The following KCNK12 variants were observed in gnomAD, a reference collection of about 807,000 sequenced individuals.
KCNK12 encodes the protein potassium channel subfamily K member 12.
In KCNK12, 6 loss-of-function variants were observed where a neutral mutation model predicts 25.3. That is an observed-to-expected ratio of 0.24 (90% CI 0.13 to 0.47). KCNK12 has a LOEUF of 0.47. Among genes scored for constraint, KCNK12 ranks in the 20% least tolerant of loss-of-function variants. KCNK12 has a pLI of 0.99. For missense variants in KCNK12, 444 were observed against 661.7 expected (o/e 0.67, Z 3.61); for synonymous variants, 331 against 311.1 (o/e 1.06, Z -0.67).
intron 1 of KCNK12, among the ~76,000 whole-genome samples, chr2:47,524,223 T>C (rs919887033): frequency 9.2e-5 from 14 of 152,176 alleles, no homozygotes; most frequent in Admixed American, 5.9e-4. Flanking sequence ...AGTTCTTGAG[T>C]TTATAAAGAA....
chr2:47,563,409 G>T (rs1669724317), intron 1 of KCNK12: 1 of 233,254 alleles, frequency 4.3e-6, no homozygotes, highest in Admixed American at 5.6e-5. Flanking sequence ...GGGTGTGGGA[G>T]AGTGAGAGAG....
At chr2:47,523,537 C>G (rs1668706245) in intron 1 of KCNK12, among the ~76,000 whole-genome samples, 1 of 152,368 alleles carries the variant, frequency 6.6e-6, no homozygotes, top group Admixed American at 6.5e-5. Flanking sequence ...TTAAGGGTGT[C>G]TTTATCAATT....
rs944159785 is a variant in KCNK12, at chr2:47,511,810, C to G, written c.*9097G>C. Reference sequence around the variant, plus strand: ...TGCGTTGTAGACTTTTCTGCAGTGACAGAAATGTTCTATATCTGTGCTATC... The same window carrying G: ...TGCGTTGTAGACTTTTCTGCAGTGAGAGAAATGTTCTATATCTGTGCTATC... On this transcript the variant is annotated 3_prime_UTR_variant, in exon 2 of 2. Coordinates refer to ENST00000327876, the MANE Select transcript of KCNK12 (RefSeq NM_022055.2). This position sits in a 1 kb window ranked among gnomAD's most constrained non-coding sequence, Gnocchi z 4.3. 6.6e-6 allele frequency among the ~76,000 whole-genome samples: 1 copy of G among 152,318 alleles called. No homozygotes were observed. Among genetic ancestry groups the G allele is most frequent in the Middle Eastern group, 3.4e-3 (1 of 294 alleles).
chr2:47,518,162 G>A lies in KCNK12; in HGVS notation c.*2745C>T, dbSNP rs11125141. 53,944 of 152,124 alleles carry A rather than the reference G, an allele frequency of 0.35. 10,106 individuals carry two copies. The highest frequency in any genetic ancestry group is 0.52 in the East Asian group (2,684 of 5,172). 9.4% of individuals were successfully genotyped at this position (152,124 alleles called of 1,614,324 possible). A position where few individuals can be genotyped will look rare whatever the true frequency, so the allele number is the denominator to read the frequency against. ...CTGCTTCAGGGAAGCAGTCCCTGTC[G>A]TCTGGGGCGCTGAGCCCTTTGGCCT... is the stretch of plus-strand genomic sequence containing the variant. On this transcript the variant is annotated 3_prime_UTR_variant, in exon 2 of 2. Transcript: ENST00000327876. This position sits in a 1 kb window ranked among gnomAD's most constrained non-coding sequence, Gnocchi z 4.1.
intron 1 of KCNK12, among the ~76,000 whole-genome samples, chr2:47,553,084 A>G (rs1669473405): frequency 6.6e-6 from 1 of 152,330 alleles, no homozygotes; most frequent in South Asian, 2.1e-4. Context: ...ATATAAACAA[A>G]TGAACAAACA....
rs1669117960 is a variant in KCNK12, at chr2:47,538,281, T to A, written c.392-16473A>T. ...AGAAAGTGGCAAGTACTACAAAAAA[T>A]AAAAAATAGAGCAGGCTAAGAGGGT... On this transcript the variant is annotated intron_variant, in intron 1 of 1. Transcript: ENST00000327876. This position sits in a 1 kb window ranked among gnomAD's most constrained non-coding sequence, Gnocchi z 4.5. Among the ~76,000 whole-genome samples, 1 of 151,820 alleles carries A rather than the reference T, an allele frequency of 6.6e-6. No individual in the cohort carries two copies. Among genetic ancestry groups the A allele is most frequent in the Non-Finnish European group, 1.5e-5 (1 of 67,968 alleles).
Position 47,520,977 on chromosome 2 carries a change from C to G in KCNK12, c.1223G>C (p.Gly408Ala). Residue 408 changes from glycine (G) to alanine (A), a missense_variant, in exon 2 of 2, where the codon GGC (glycine) becomes GCC (alanine). Around this residue, in one of 8 missense-constraint regions of KCNK12, gnomAD observed 57 missense variants for 68.9 expected, o/e 0.83. Transcript: ENST00000327876. The surrounding 1 kb of genome is among the most constrained non-coding windows in gnomAD (Gnocchi z 5.0). Reference protein sequence around the residue: ...RSVCVNTRQNGFSGGVGALGI... With the variant: ...RSVCVNTRQNAFSGGVGALGI... Reference sequence around the variant, plus strand: ...CAGCGCGCCCACGCCGCCCGAGAAGCCGTTCTGGCGCGTGTTGACGCACAC... The same window carrying G: ...CAGCGCGCCCACGCCGCCCGAGAAGGCGTTCTGGCGCGTGTTGACGCACAC... 2 of 1,321,378 alleles carry G rather than the reference C, an allele frequency of 1.5e-6. No individual in the cohort carries two copies. Among genetic ancestry groups the G allele is most frequent in the Non-Finnish European group, 1.9e-6 (2 of 1,032,360 alleles). The allele number at this position is 1,321,378 out of a possible 1,614,324, so 81.9% of individuals were successfully genotyped here.
At chr2:47,546,658 C>CA (rs1487805965) in intron 1 of KCNK12, among the ~76,000 whole-genome samples, 2 of 151,880 alleles carry the variant, frequency 1.3e-5, no homozygotes, top group South Asian at 2.1e-4. Flanking sequence ...CTCTCAGTGT[C>CA]AAAAAAATAG....
chr2:47,534,515 A>AACCCCC (rs1558553053), intron 1 of KCNK12, among the ~76,000 whole-genome samples: 6 of 48,156 alleles, frequency 1.2e-4, no homozygotes, highest in Admixed American at 2.5e-4. Context: ...GCCCCTTCTA[A>AACCCCC]CCCCCCCCCC....
In KCNK12 at chr2:47,524,196, T is replaced by C. The variant is rs76090754; in HGVS notation, c.392-2388A>G. ...AACTTGATAGAGGGATTTTGCTACA[T>C]TTTAAAGCCACACTCAAGTTCTTGA... is the stretch of plus-strand genomic sequence containing the variant. On this transcript the variant is annotated intron_variant, in intron 1 of 1. Coordinates refer to ENST00000327876, the MANE Select transcript of KCNK12 (RefSeq NM_022055.2). Among the ~76,000 whole-genome samples, 1,299 of 152,346 alleles carry C rather than the reference T, an allele frequency of 8.5e-3. 17 individuals carry two copies. Among genetic ancestry groups the C allele is most frequent in the African/African-American group, 0.029 (1,226 of 41,576 alleles).
intron 1 of KCNK12, among the ~76,000 whole-genome samples, chr2:47,541,999 C>T (rs1037074612): frequency 3.3e-5 from 5 of 152,152 alleles, no homozygotes; most frequent in African/African-American, 4.8e-5. Context: ...GCAGCAGCAG[C>T]GGCAGCAGGG....
rs961762890 is a variant in KCNK12 at position 47,525,820 on chromosome 2, C to T, written c.392-4012G>A. Among the ~76,000 whole-genome samples, 1 of 152,098 alleles carries T rather than the reference C, an allele frequency of 6.6e-6. No individual in the cohort carries two copies. Among genetic ancestry groups the T allele is most frequent in the Non-Finnish European group, 1.5e-5 (1 of 68,014 alleles). On this transcript the variant is annotated intron_variant, in intron 1 of 1. Coordinates refer to ENST00000327876, the MANE Select transcript of KCNK12 (RefSeq NM_022055.2). The surrounding 1 kb of genome is among the most constrained non-coding windows in gnomAD (Gnocchi z 4.1). Reference sequence around the variant, plus strand: ...GGCAGGGAGTGGTCCCTGTGCAGGGCTCCCAAGGACCCATAAATAGATGCC... The same window carrying T: ...GGCAGGGAGTGGTCCCTGTGCAGGGTTCCCAAGGACCCATAAATAGATGCC...
intron 1 of KCNK12, among the ~76,000 whole-genome samples, chr2:47,541,271 C>T (rs555728279): frequency 7.9e-5 from 12 of 152,322 alleles, no homozygotes; most frequent in African/African-American, 2.4e-4. Context: ...TGCTAGGACA[C>T]GGTCCTGCAC....
At chr2:47,545,865 G>A (rs1369813171) in intron 1 of KCNK12, among the ~76,000 whole-genome samples, 3 of 151,604 alleles carry the variant, frequency 2.0e-5, no homozygotes, top group African/African-American at 7.3e-5. Flanking sequence ...AAAAAATAGA[G>A]AAGAGGAGGT....
At chr2:47,559,498 G>A (rs1669620090) in intron 1 of KCNK12, among the ~76,000 whole-genome samples, 1 of 152,224 alleles carries the variant, frequency 6.6e-6, no homozygotes, top group South Asian at 2.1e-4. Context: ...TTTGTGCCAA[G>A]TATTATGCTC....
chr2:47,561,894 C>T (rs1367794457), intron 1 of KCNK12, among the ~76,000 whole-genome samples: 1 of 152,140 alleles, frequency 6.6e-6, no homozygotes, highest in African/African-American at 2.4e-5. Context: ...GGATATGAGC[C>T]AATAGTCTTC....
Position 47,512,353 on chromosome 2 carries a change from G to T in KCNK12, c.*8554C>A, listed in dbSNP as rs766146978. 5 of 1,612,460 alleles carry T rather than the reference G, an allele frequency of 3.1e-6. No homozygotes were observed. The highest frequency in any genetic ancestry group is 4.2e-6 in the Non-Finnish European group (5 of 1,179,818). On this transcript the variant is annotated 3_prime_UTR_variant, in exon 2 of 2. Transcript: ENST00000327876. ...ACCAGTGCCTCATTTTGCTGACATG[G>T]AAAAGGAAACTTCGTGGGGGAAAGA...
At chr2:47,552,931 C>G (rs1307034765) in intron 1 of KCNK12, among the ~76,000 whole-genome samples, 2 of 152,142 alleles carry the variant, frequency 1.3e-5, no homozygotes, top group East Asian at 1.9e-4. Context: ...TGCCGATAAC[C>G]AAATTCTGTC....
At position 47,570,386 on chromosome 2, in the gene KCNK12, T is replaced by G; in HGVS notation, c.-55A>C. ...GGCGCTCGGGGCCCGGGCCACGACA[T>G]CCCCCCGGCGGGAGCAGGAGCGTGA... On this transcript the variant is annotated 5_prime_UTR_variant, in exon 1 of 2. The change abolishes an upstream ATG in the 5' untranslated region. Transcript: ENST00000327876. The G allele has an allele frequency of 8.3e-7, 1 of 1,207,774 alleles. No homozygotes were observed. 74.8% of individuals were successfully genotyped at this position (1,207,774 alleles called of 1,614,324 possible). A position where few individuals can be genotyped will look rare whatever the true frequency, so the allele number is the denominator to read the frequency against.
Sources: allele counts gnomAD v4.1 joint callset (sites outside exome capture counted in the v4.1 genomes callset), GRCh38; gene constraint gnomAD v4.1.1; regional missense constraint gnomAD v4.1.1; non-coding constraint Gnocchi (gnomAD v3.1); transcripts MANE v1.5; gene names NCBI Gene and HGNC (gene_info 2026-07-23, HGNC 2026-07-21).